The following CADPS variants were observed in gnomAD, a reference collection of about 807,000 sequenced individuals.
CADPS encodes calcium dependent secretion activator.
A neutral mutation model predicts 167.3 loss-of-function variants in CADPS; 57 were observed. The observed-to-expected ratio is 0.34, with a 90% CI of 0.28 to 0.42. CADPS has a LOEUF of 0.42. CADPS is among the 20% of genes least tolerant of loss of function. The pLI, the probability that CADPS is intolerant of heterozygous loss-of-function variation, is 1.00. For synonymous variants in CADPS, 676 were observed against 635.3 expected (o/e 1.06, Z -0.96); for missense variants, 1,414 against 1,738.1 (o/e 0.81, Z 3.32).
chr3:62,749,891 C>T (rs1298297416), intron 3 of CADPS, among the ~76,000 whole-genome samples: 3 of 152,136 alleles, frequency 2.0e-5, no homozygotes, highest in African/African-American at 4.8e-5. Context: ...CTACTGCCAC[C>T]GTGTCTTCTG....
At chr3:62,646,278 C>T (rs1045243520) in intron 5 of CADPS, among the ~76,000 whole-genome samples, 4 of 151,220 alleles carry the variant, frequency 2.6e-5, no homozygotes, top group African/African-American at 7.3e-5. Flanking sequence ...AATTCTCCTG[C>T]GTCGGCCTCC....
chr3:62,818,756 C>T (rs577584880), intron 1 of CADPS, among the ~76,000 whole-genome samples: 2 of 152,208 alleles, frequency 1.3e-5, no homozygotes, highest in Admixed American at 6.5e-5. Context: ...TTCCTAATAG[C>T]TAAAAACTGG....
chr3:62,539,697 A>C (rs2075362450), intron 11 of CADPS, among the ~76,000 whole-genome samples: 1 of 152,152 alleles, frequency 6.6e-6, no homozygotes, highest in African/African-American at 2.4e-5. Context: ...ATATTAGTTA[A>C]AATCATAAGT....
At chr3:62,571,622 T>C (rs1057294203) in intron 8 of CADPS, among the ~76,000 whole-genome samples, 1 of 151,540 alleles carries the variant, frequency 6.6e-6, no homozygotes, top group African/African-American at 2.4e-5. Flanking sequence ...GGGAGTGCAA[T>C]GGTGTGATCT....
At chr3:62,689,029 C>G (rs529303974) in intron 3 of CADPS, among the ~76,000 whole-genome samples, 18 of 152,018 alleles carry the variant, frequency 1.2e-4, no homozygotes, top group Non-Finnish European at 1.9e-4. Flanking sequence ...AATGATGTTT[C>G]TTTTCACTTC....
intron 11 of CADPS, among the ~76,000 whole-genome samples, chr3:62,540,032 G>C (rs539075177): frequency 1.3e-5 from 2 of 152,258 alleles, no homozygotes; most frequent in African/African-American, 2.4e-5. Flanking sequence ...AAAGTACCTA[G>C]GGCCCTGGCA....
At chr3:62,757,069 G>A (rs1286839773) in intron 2 of CADPS, among the ~76,000 whole-genome samples, 1 of 152,158 alleles carries the variant, frequency 6.6e-6, no homozygotes, top group African/African-American at 2.4e-5. Context: ...TAGGCAGGGA[G>A]GCCAGTTGAG....
intron 3 of CADPS, among the ~76,000 whole-genome samples, chr3:62,672,007 C>T (rs1457069519): frequency 1.3e-5 from 2 of 152,102 alleles, no homozygotes; most frequent in Non-Finnish European, 2.9e-5. Flanking sequence ...GTCTCGATCT[C>T]TTGACCTCGT....
chr3:62,658,657 T>C (rs1400345689), intron 4 of CADPS, among the ~76,000 whole-genome samples: 2 of 152,186 alleles, frequency 1.3e-5, no homozygotes, highest in Admixed American at 6.5e-5. Context: ...GTTATTACTA[T>C]TGGGTACATC....
chr3:62,578,854 T>C (rs1045749932), intron 8 of CADPS, among the ~76,000 whole-genome samples: 3 of 152,062 alleles, frequency 2.0e-5, no homozygotes, highest in African/African-American at 4.8e-5. Context: ...ACAAGGGAGA[T>C]AAAATGAAAC....
In CADPS at chr3:62,649,541, GTCTTTTTTTTT is replaced by G. The variant is rs1242880989; in HGVS notation, c.1203+1295_1203+1305del. ...TATCAAGGGAATCATACAATATGTG[GTCTTTTTTTTT>G]TTTTTTTTTTTTTTTTTTTTTTTTT... On this transcript the variant is annotated intron_variant, in intron 5 of 29. Coordinates refer to ENST00000383710, the MANE Select transcript of CADPS (RefSeq NM_003716.4). 1.6e-3 allele frequency among the ~76,000 whole-genome samples: 121 copies of G among 75,008 alleles called. 1 individual carries two copies. The highest frequency in any genetic ancestry group is 6.5e-3 in the East Asian group (15 of 2,316). 49.2% of individuals were successfully genotyped at this position (75,008 alleles called of 152,430 possible).
At chr3:62,607,860 C>T (rs2060905063) in intron 6 of CADPS, among the ~76,000 whole-genome samples, 1 of 152,284 alleles carries the variant, frequency 6.6e-6, no homozygotes, top group Admixed American at 6.5e-5. Context: ...TGAGAAACCA[C>T]TAGGAGTGGC....
chr3:62,426,911 C>CAA (rs34473998), intron 28 of CADPS, among the ~76,000 whole-genome samples: 3 of 141,914 alleles, frequency 2.1e-5, no homozygotes, highest in African/African-American at 5.2e-5. Flanking sequence ...ACTAAAAATA[C>CAA]AAAAAAAAAA....
intron 28 of CADPS, among the ~76,000 whole-genome samples, chr3:62,424,022 C>A (rs957060200): frequency 1.3e-5 from 2 of 152,042 alleles, no homozygotes; most frequent in Non-Finnish European, 2.9e-5. Flanking sequence ...GCCTTTTTTT[C>A]TCTCCCTAAA....
chr3:62,759,687 A>G (rs2084905774), intron 2 of CADPS, among the ~76,000 whole-genome samples: 1 of 152,182 alleles, frequency 6.6e-6, no homozygotes, highest in Non-Finnish European at 1.5e-5. Flanking sequence ...ATGCATAGAT[A>G]CATTGAAAGT....
chr3:62,792,333 A>G (rs754832033), intron 1 of CADPS, among the ~76,000 whole-genome samples: 9 of 151,640 alleles, frequency 5.9e-5, no homozygotes, highest in Non-Finnish European at 1.2e-4. Context: ...CCTCCTGAGC[A>G]GCTTGGACTA....
intron 1 of CADPS, among the ~76,000 whole-genome samples, chr3:62,808,519 G>GCCA (rs2094225431): frequency 6.6e-6 from 1 of 152,120 alleles, no homozygotes; most frequent in African/African-American, 2.4e-5. Flanking sequence ...GTGGCACCCA[G>GCCA]CTGTATCTTA....
At chr3:62,652,572 C>T (rs1364157822) in intron 4 of CADPS, among the ~76,000 whole-genome samples, 1 of 151,916 alleles carries the variant, frequency 6.6e-6, no homozygotes, top group Non-Finnish European at 1.5e-5. Flanking sequence ...GAAACAGTAA[C>T]ATCTTACAGA....
chr3:62,791,230 G>T (rs1031903502), intron 1 of CADPS, among the ~76,000 whole-genome samples: 1 of 152,130 alleles, frequency 6.6e-6, no homozygotes, highest in Non-Finnish European at 1.5e-5. Flanking sequence ...TGGTAGAAGT[G>T]CTCTATATCT....
Sources: gnomAD v4.1 joint callset for allele counts (sites outside exome capture counted in the v4.1 genomes callset) on GRCh38, gnomAD v4.1.1 for gene constraint, MANE v1.5 for transcripts, NCBI Gene and HGNC (gene_info 2026-07-23, HGNC 2026-07-21) for gene names.